The following FTCDNL1 variants were observed in gnomAD, a reference collection of about 807,000 sequenced individuals.
The protein encoded by FTCDNL1 is formiminotransferase cyclodeaminase N-terminal like, also known as formiminotransferase N-terminal subdomain-containing protein.
In FTCDNL1, 11 loss-of-function variants were observed where a neutral mutation model predicts 5.9. The observed-to-expected ratio is 1.87, with a 90% CI of 1.18 to 3.10. The LOEUF (loss-of-function observed/expected upper bound fraction) is 3.10, where lower values mean the gene tolerates loss of function less well. Ranked by LOEUF, FTCDNL1 falls within the 30% of genes most tolerant of loss-of-function variation. FTCDNL1 has a pLI of 0.00. For missense variants in FTCDNL1, 115 were observed against 65.5 expected, an observed-to-expected ratio of 1.76 and a Z score of -2.61; for synonymous variants, 58 against 24.8, an observed-to-expected ratio of 2.34 and a Z score of -3.99.
At chr2:199,704,084 C>T in the FTCDNL1 span, among the ~76,000 whole-genome samples, 2 of 152,212 alleles carry the variant, frequency 1.3e-5, no homozygotes, top group East Asian at 1.9e-4. Context: ...AAATATAGCT[C>T]TTCCTGGAAA....
Position 199,797,114 on chromosome 2 carries a change from C to T in FTCDNL1, c.212-36279G>A, listed in dbSNP as rs150152936. Among the ~76,000 whole-genome samples, 853 of 152,166 alleles carry T rather than the reference C, an allele frequency of 5.6e-3. 4 individuals are homozygous for T. The highest frequency in any genetic ancestry group is 9.2e-3 in the Non-Finnish European group (623 of 68,002). The stretch of plus-strand genomic sequence containing the variant: ...GACATGTAGTATGGATGCTTATAAG[C>T]GATAGCAATCATTTCTAATGAGAAA... On this transcript the variant is annotated intron_variant, in intron 3 of 3. Coordinates refer to the FTCDNL1 transcript ENST00000416668.
chr2:199,742,417 G>C, the FTCDNL1 span, among the ~76,000 whole-genome samples: 2 of 152,130 alleles, frequency 1.3e-5, no homozygotes, highest in African/African-American at 4.8e-5. Context: ...ATAATGCCTA[G>C]AATGTTCGGG....
the FTCDNL1 span, among the ~76,000 whole-genome samples, chr2:199,715,053 C>A: frequency 0.73 from 110,824 of 151,622 alleles, 43,490 homozygotes; most frequent in South Asian, 0.92. Flanking sequence ...TGTAACTAAC[C>A]TGCACATTGT....
the FTCDNL1 span, among the ~76,000 whole-genome samples, chr2:199,739,803 G>A: frequency 6.6e-6 from 1 of 152,152 alleles, no homozygotes; most frequent in African/African-American, 2.4e-5. Context: ...TCCGTTTTAT[G>A]GAAGTGCTTT....
At chr2:199,733,391 CA>C in the FTCDNL1 span, among the ~76,000 whole-genome samples, 1 of 152,030 alleles carries the variant, frequency 6.6e-6, no homozygotes, top group East Asian at 1.9e-4. Flanking sequence ...AAGACCTGCC[CA>C]GAAGAGTAGA....
chr2:199,717,046 G>A, the FTCDNL1 span, among the ~76,000 whole-genome samples: 1 of 152,010 alleles, frequency 6.6e-6, no homozygotes, highest in African/African-American at 2.4e-5. Context: ...CTCCCAGATG[G>A]AACTTTGCCA....
intron 3 of FTCDNL1, among the ~76,000 whole-genome samples, chr2:199,797,864 G>C (rs111471832): frequency 0.014 from 2,147 of 152,280 alleles, 42 homozygotes; most frequent in African/African-American, 0.049. Flanking sequence ...CATCGTTTTT[G>C]CTTAAAGAGT....
the FTCDNL1 span, among the ~76,000 whole-genome samples, chr2:199,675,940 AG>A: frequency 2.0e-5 from 3 of 152,106 alleles, no homozygotes; most frequent in Admixed American, 6.5e-5. Flanking sequence ...TTGTAGAGAC[AG>A]GGGTCTCACT....
chr2:199,724,042 A>AT, the FTCDNL1 span, among the ~76,000 whole-genome samples: 1 of 152,132 alleles, frequency 6.6e-6, no homozygotes, highest in Non-Finnish European at 1.5e-5. Context: ...TAGGCTATTT[A>AT]TTATTGCCTC....
At chr2:199,845,575 A>C (rs4673508) in intron 3 of FTCDNL1, among the ~76,000 whole-genome samples, 6,403 of 152,146 alleles carry the variant, frequency 0.042, 322 homozygotes, top group East Asian at 0.16. Context: ...TTATCTCGAA[A>C]AAAAAAAGAT....
intron 4 of FTCDNL1, among the ~76,000 whole-genome samples, chr2:199,817,048 A>C (rs1701390441): frequency 6.6e-6 from 1 of 152,202 alleles, no homozygotes; most frequent in Non-Finnish European, 1.5e-5. Context: ...TGCATTTTCT[A>C]TGTCTCTGAA....
intron 3 of FTCDNL1, among the ~76,000 whole-genome samples, chr2:199,781,330 T>C (rs1240988056): frequency 6.6e-6 from 1 of 152,208 alleles, no homozygotes; most frequent in African/African-American, 2.4e-5. Flanking sequence ...TCCTTCCTAC[T>C]GACAGGAGGT....
At chr2:199,750,468 A>C in the FTCDNL1 span, among the ~76,000 whole-genome samples, 1 of 152,232 alleles carries the variant, frequency 6.6e-6, no homozygotes, top group African/African-American at 2.4e-5. Flanking sequence ...ACACCAAGTC[A>C]GGGGGGAAAA....
At chr2:199,696,069 G>A in the FTCDNL1 span, among the ~76,000 whole-genome samples, 6 of 152,174 alleles carry the variant, frequency 3.9e-5, no homozygotes, top group Admixed American at 3.9e-4. Flanking sequence ...AGCAGACCCT[G>A]CCTAGCCATT....
At chr2:199,691,258 C>T in the FTCDNL1 span, among the ~76,000 whole-genome samples, 6 of 152,244 alleles carry the variant, frequency 3.9e-5, no homozygotes, top group East Asian at 1.9e-4. Flanking sequence ...CTGCAACCTC[C>T]GCCTCCCGGG....
At chr2:199,840,556 G>C (rs2076555542) in intron 3 of FTCDNL1, among the ~76,000 whole-genome samples, 1 of 152,152 alleles carries the variant, frequency 6.6e-6, no homozygotes, top group South Asian at 2.1e-4. Flanking sequence ...GAAGTCAATA[G>C]ATAATGCCTA....
chr2:199,754,455 G>A, the FTCDNL1 span, among the ~76,000 whole-genome samples: 1 of 152,170 alleles, frequency 6.6e-6, no homozygotes, highest in African/African-American at 2.4e-5. Flanking sequence ...GATGGGAGGA[G>A]TCTAGTCTTT....
intron 3 of FTCDNL1, among the ~76,000 whole-genome samples, chr2:199,773,145 T>C (rs1698895375): frequency 1.3e-5 from 2 of 152,198 alleles, no homozygotes; most frequent in Non-Finnish European, 2.9e-5. Flanking sequence ...TATTATCTTG[T>C]TGTAATAGGG....
intron 3 of FTCDNL1, among the ~76,000 whole-genome samples, chr2:199,769,325 C>T (rs1384817448): frequency 6.6e-6 from 1 of 152,114 alleles, no homozygotes; most frequent in Admixed American, 6.5e-5. Flanking sequence ...AATTGAATCA[C>T]GGAGGCAGTT....
Sources: gnomAD v4.1 joint callset for allele counts (sites outside exome capture counted in the v4.1 genomes callset) on GRCh38, gnomAD v4.1.1 for gene constraint, MANE v1.5 for transcripts, NCBI Gene and HGNC (gene_info 2026-07-23, HGNC 2026-07-21) for gene names.